The following PTPRT variants were observed in gnomAD, a reference collection of about 807,000 sequenced individuals.
PTPRT encodes the protein receptor-type tyrosine-protein phosphatase T.
Under a neutral mutation model 176.8 loss-of-function variants are expected in PTPRT, and 56 were observed. The ratio of observed to expected loss-of-function variants is 0.32; its 90% CI spans 0.26 to 0.40. PTPRT has a LOEUF of 0.40. Among genes scored for constraint, PTPRT ranks in the 10% least tolerant of loss-of-function variants. The probability of loss-of-function intolerance (pLI) is 1.00; values close to 1 mark genes in which losing one functional copy is unlikely to be tolerated. For missense variants in PTPRT, 1,540 were observed against 1,908.2 expected (o/e 0.81, Z 3.60); for synonymous variants, 783 against 739.0 (o/e 1.06, Z -0.96).
At chr20:42,324,667 C>T (rs571454980) in intron 11 of PTPRT, among the ~76,000 whole-genome samples, 2 of 152,256 alleles carry the variant, frequency 1.3e-5, no homozygotes, top group South Asian at 4.1e-4. Context: ...ATAAGATGGG[C>T]TAAGAAACAA....
chr20:42,577,744 A>T (rs1045093647), intron 7 of PTPRT, among the ~76,000 whole-genome samples: 2 of 152,030 alleles, frequency 1.3e-5, no homozygotes, highest in Non-Finnish European at 1.5e-5. Context: ...GTGTGTCTCA[A>T]ATTAAAAATG....
chr20:42,602,954 T>G (rs1293639810), intron 7 of PTPRT, among the ~76,000 whole-genome samples: 2 of 152,224 alleles, frequency 1.3e-5, no homozygotes, highest in Non-Finnish European at 2.9e-5. Context: ...ATGTCCTGCA[T>G]GCTCTGAAAT....
intron 1 of PTPRT, among the ~76,000 whole-genome samples, chr20:43,171,434 A>G (rs2014997846): frequency 6.6e-6 from 1 of 152,206 alleles, no homozygotes; most frequent in African/African-American, 2.4e-5. Flanking sequence ...AAAAAGTCAG[A>G]ATAAAATAGA....
intron 6 of PTPRT, among the ~76,000 whole-genome samples, chr20:42,755,693 T>C (rs2076821375): frequency 2.0e-5 from 3 of 151,918 alleles, no homozygotes; most frequent in Admixed American, 1.3e-4. Context: ...TCTGGTTCAA[T>C]AGAATAAAAT....
intron 12 of PTPRT, among the ~76,000 whole-genome samples, chr20:42,287,008 C>G: frequency 6.6e-6 from 1 of 151,890 alleles, no homozygotes; most frequent in Non-Finnish European, 1.5e-5. Flanking sequence ...TATCACTAAT[C>G]ATCAGGGACA....
intron 12 of PTPRT, among the ~76,000 whole-genome samples, chr20:42,299,234 A>G (rs1328121335): frequency 1.3e-5 from 2 of 152,182 alleles, no homozygotes; most frequent in Non-Finnish European, 1.5e-5. Flanking sequence ...ACCACGTTAT[A>G]ATGTTTTACA....
chr20:42,379,551 T>G (rs916092487), intron 9 of PTPRT, among the ~76,000 whole-genome samples: 1 of 152,218 alleles, frequency 6.6e-6, no homozygotes, highest in Non-Finnish European at 1.5e-5. Flanking sequence ...CCTGAGCCTG[T>G]GGAGGGCAGC....
chr20:42,322,808 C>G (rs2057819999), intron 11 of PTPRT, among the ~76,000 whole-genome samples: 1 of 152,088 alleles, frequency 6.6e-6, no homozygotes, highest in Non-Finnish European at 1.5e-5. Flanking sequence ...AAACTACCAT[C>G]ACAGTGAACA....
chr20:42,277,919 T>C (rs2057070098), intron 13 of PTPRT, among the ~76,000 whole-genome samples: 1 of 150,266 alleles, frequency 6.7e-6, no homozygotes, highest in African/African-American at 2.5e-5. Flanking sequence ...CATCCATCCA[T>C]CCATCCATCC....
intron 28 of PTPRT, 127 bp downstream of exon 28, chr20:42,085,601 C>T (rs1398825063): frequency 7.1e-7 from 1 of 1,409,120 alleles, no homozygotes; most frequent in East Asian, 2.3e-5. Context: ...GCATCACTTC[C>T]TCAAGGAAGA....
At chr20:43,009,745 T>C (rs1985028891) in intron 1 of PTPRT, among the ~76,000 whole-genome samples, 1 of 152,196 alleles carries the variant, frequency 6.6e-6, no homozygotes, top group African/African-American at 2.4e-5. Flanking sequence ...ACTTCTTCCA[T>C]TGACTGGGCA....
chr20:42,580,259 CTA>C (rs1345701086), intron 7 of PTPRT, among the ~76,000 whole-genome samples: 1 of 152,122 alleles, frequency 6.6e-6, no homozygotes, highest in East Asian at 1.9e-4. Context: ...TTCCATTGGT[CTA>C]TATCTCTGTT....
Position 42,472,291 on chromosome 20 carries a change from C to T in PTPRT, c.1425G>A (p.Glu475=), listed in dbSNP as rs2071210742. Residue 475 remains glutamate, a synonymous_variant, in exon 8 of 31, where the codon GAG becomes GAA. Transcript: ENST00000373187. ...CGTCTTCCTCAGTCTGCACCACCAG[C>T]TCCTCGCTCTCCATTCGGCCCTCGG... is the stretch of plus-strand genomic sequence containing the variant. ...SNPEGRMESE[E]LVVQTEEDVP... 2 of 1,614,158 alleles carry T rather than the reference C, an allele frequency of 1.2e-6. No individual in the cohort carries two copies. Among genetic ancestry groups the T allele is most frequent in the Non-Finnish European group, 1.7e-6 (2 of 1,180,008 alleles).
intron 1 of PTPRT, among the ~76,000 whole-genome samples, chr20:42,950,920 C>T (rs531423084): frequency 1.3e-5 from 2 of 152,284 alleles, no homozygotes; most frequent in South Asian, 2.1e-4. Context: ...TTTTGAGGCA[C>T]GTGTTAACTC....
chr20:42,513,129 G>A (rs2071988692), intron 7 of PTPRT, among the ~76,000 whole-genome samples: 1 of 151,646 alleles, frequency 6.6e-6, no homozygotes, highest in South Asian at 2.1e-4. Flanking sequence ...CAAAGTACTG[G>A]GATTACAGGC....
chr20:42,630,575 G>C (rs1569033841), intron 7 of PTPRT, among the ~76,000 whole-genome samples: 1 of 152,096 alleles, frequency 6.6e-6, no homozygotes. Flanking sequence ...CCAATTCTCA[G>C]CTCTGGTGTT....
At chr20:43,083,604 C>T (rs1568774506) in intron 1 of PTPRT, among the ~76,000 whole-genome samples, 2 of 151,690 alleles carry the variant, frequency 1.3e-5, no homozygotes, top group Non-Finnish European at 2.9e-5. Context: ...AGTGATCTGC[C>T]CACCTTGGCC....
intron 2 of PTPRT, among the ~76,000 whole-genome samples, chr20:42,800,562 T>C (rs2077516214): frequency 6.6e-6 from 1 of 152,196 alleles, no homozygotes; most frequent in Non-Finnish European, 1.5e-5. Flanking sequence ...AATATATATA[T>C]TTTTAAATCT....
intron 2 of PTPRT, among the ~76,000 whole-genome samples, chr20:42,857,886 C>T (rs2078592938): frequency 6.6e-6 from 1 of 152,170 alleles, no homozygotes; most frequent in Non-Finnish European, 1.5e-5. Context: ...GACCCCTATT[C>T]CCTCTACAAT....
Sources: gnomAD v4.1 joint callset for allele counts (sites outside exome capture counted in the v4.1 genomes callset) on GRCh38, gnomAD v4.1.1 for gene constraint, MANE v1.5 for transcripts, NCBI Gene and HGNC (gene_info 2026-07-23, HGNC 2026-07-21) for gene names.